FLNB: variants seen among roughly 807,000 people sequenced by gnomAD.
FLNB encodes the protein filamin B.
Under a neutral mutation model 250.6 loss-of-function variants are expected in FLNB, and 111 were observed. The ratio of observed to expected loss-of-function variants is 0.44; its 90% confidence interval spans 0.38 to 0.52. FLNB has a LOEUF of 0.52. FLNB is among the 20% of genes least tolerant of loss of function. FLNB has a pLI of 0.00. For synonymous variants in FLNB, 1,302 were observed against 1,372.1 expected, an observed-to-expected ratio of 0.95 and a Z score of 1.13; for missense variants, 2,869 against 3,447.8, an observed-to-expected ratio of 0.83 and a Z score of 4.20.
intron 29 of FLNB, among the ~76,000 whole-genome samples, chr3:58,138,781 T>C (rs535117501): frequency 1.3e-3 from 205 of 152,386 alleles, no homozygotes; most frequent in African/African-American, 4.7e-3. Flanking sequence ...GGCAATATCC[T>C]GGCCTAAGCC....
chr3:58,105,170 A>C lies in FLNB; in HGVS notation c.1701A>C (p.Ser567=), dbSNP rs1266110523. ...TCCATGGTGGGATTGTCGGGCGGTC[A>C]GCGGACTTCGTGGTAGAATCCATTG... is the stretch of plus-strand genomic sequence containing the variant. ...PGLHGGIVGR[S]ADFVVESIGS... Residue 567 remains serine (S), a synonymous_variant, in exon 11 of 46, where the codon TCA becomes TCC. Coordinates refer to ENST00000295956, the MANE Select transcript of FLNB (RefSeq NM_001457.4). 6.2e-7 allele frequency: 1 copy of C among 1,614,230 alleles called. No homozygotes were observed. Among genetic ancestry groups the C allele is most frequent in the Admixed American group, 1.7e-5 (1 of 60,026 alleles).
chr3:58,133,740 C>T (rs2097311748), intron 26 of FLNB, among the ~76,000 whole-genome samples: 1 of 151,882 alleles, frequency 6.6e-6, no homozygotes, highest in African/African-American at 2.4e-5. Context: ...AAATCATGCC[C>T]CTTAAGATGA....
chr3:58,110,364 G>A (rs1306846734), intron 16 of FLNB, among the ~76,000 whole-genome samples, 194 bp downstream of exon 16: 1 of 152,162 alleles, frequency 6.6e-6, no homozygotes, highest in Non-Finnish European at 1.5e-5. Flanking sequence ...CCAGGTTCAA[G>A]TGATCCTCCC....
Position 58,142,516 on chromosome 3 carries a change from A to C in FLNB, c.5182-134A>C, listed in dbSNP as rs1575452029. On this transcript the variant is annotated intron_variant, in intron 30 of 45. Coordinates refer to ENST00000295956, the MANE Select transcript of FLNB (RefSeq NM_001457.4). This position sits in a 1 kb window ranked among gnomAD's most constrained non-coding sequence, Gnocchi z 4.3. ...CTGGAGCCACTTAGACAAAGCCCAT[A>C]CCACAATGGGCAGCCGCATTCCCAA... The C allele has an allele frequency of 1.3e-6, 1 of 769,330 alleles. No homozygotes were observed. The highest frequency in any genetic ancestry group is 2.2e-6 in the Non-Finnish European group (1 of 447,924). The allele number at this position is 769,330 out of a possible 1,614,324, so 47.7% of individuals were successfully genotyped here. A position where few individuals can be genotyped will look rare whatever the true frequency, so the allele number is the denominator to read the frequency against.
intron 1 of FLNB, among the ~76,000 whole-genome samples, chr3:58,070,367 C>G (rs1444320971): frequency 6.6e-6 from 1 of 152,120 alleles, no homozygotes; most frequent in Non-Finnish European, 1.5e-5. Flanking sequence ...CTCTAACCTA[C>G]CTACTCCTTA....
chr3:58,066,638 G>A (rs2097186108), intron 1 of FLNB, among the ~76,000 whole-genome samples: 1 of 152,170 alleles, frequency 6.6e-6, no homozygotes, highest in South Asian at 2.1e-4. Flanking sequence ...CCCTTTAGCA[G>A]ACCTGTCTCA....
At chr3:58,163,430 T>C in intron 43 of FLNB, 100 bp downstream of exon 43, 1 of 1,271,962 alleles carries the variant, frequency 7.9e-7, no homozygotes, top group Non-Finnish European at 1.1e-6. Context: ...TTACACGTAC[T>C]CCCCGTGGAA....
intron 9 of FLNB, among the ~76,000 whole-genome samples, chr3:58,103,233 C>T (rs1235810870): frequency 6.6e-6 from 1 of 151,580 alleles, no homozygotes; most frequent in African/African-American, 2.4e-5. Flanking sequence ...GACTGTCTTC[C>T]CTCCCAGATT....
At chr3:58,039,209 AAAG>A (rs1289783736) in intron 1 of FLNB, among the ~76,000 whole-genome samples, 8 of 151,792 alleles carry the variant, frequency 5.3e-5, no homozygotes, top group Non-Finnish European at 7.4e-5. Flanking sequence ...AAAAAAAAAA[AAAG>A]AAGAATTGCA....
intron 1 of FLNB, among the ~76,000 whole-genome samples, chr3:58,018,224 T>A (rs1194244260): frequency 6.6e-6 from 1 of 152,144 alleles, no homozygotes; most frequent in Admixed American, 6.6e-5. Flanking sequence ...AAAAGAACTT[T>A]TATCGGAAGA....
intron 4 of FLNB, among the ~76,000 whole-genome samples, chr3:58,083,676 A>T (rs1371750365): frequency 6.6e-6 from 1 of 152,104 alleles, no homozygotes. Flanking sequence ...GATGCTGACC[A>T]CGTGCTGTTC....
Position 58,125,580 on chromosome 3 carries a change from G to A in FLNB, c.3899-1G>A, listed in dbSNP as rs1226017420. On this transcript the variant is annotated splice_acceptor_variant, in intron 22 of 45. Transcript: ENST00000295956. LOFTEE classifies it high-confidence loss of function. ...GCGTTTCTGTTTGTTGTTTTGAGCAGGTCTCCATGTAGTGGAGGTGACATA... is the reference window on the plus strand; with the variant it reads ...GCGTTTCTGTTTGTTGTTTTGAGCAAGTCTCCATGTAGTGGAGGTGACATA... 2 of 1,614,128 alleles carry A rather than the reference G, an allele frequency of 1.2e-6. No individual in the cohort carries two copies. Among genetic ancestry groups the A allele is most frequent in the Admixed American group, 1.7e-5 (1 of 60,020 alleles).
intron 1 of FLNB, among the ~76,000 whole-genome samples, chr3:58,067,593 GT>G (rs375448903): frequency 0.46 from 64,106 of 140,504 alleles, 14,231 homozygotes; most frequent in Middle Eastern, 0.57. Flanking sequence ...TTGTTTTTTT[GT>G]TTTTTTTTTG....
At chr3:58,084,345 T>G (rs1048071399) in intron 4 of FLNB, among the ~76,000 whole-genome samples, 1 of 152,202 alleles carries the variant, frequency 6.6e-6, no homozygotes, top group Non-Finnish European at 1.5e-5. Context: ...TCAAATGGAC[T>G]GAATCTAATC....
intron 18 of FLNB, among the ~76,000 whole-genome samples, chr3:58,118,049 G>A (rs182823227): frequency 2.6e-5 from 4 of 152,258 alleles, no homozygotes; most frequent in African/African-American, 9.6e-5. Context: ...TTGGAGCCTC[G>A]ATTTGGAGGG....
At chr3:58,163,421 T>C in intron 43 of FLNB, 91 bp downstream of exon 43, 1 of 1,346,114 alleles carries the variant, frequency 7.4e-7, no homozygotes, top group Admixed American at 1.7e-5. Flanking sequence ...GAAAGCTTTT[T>C]ACACGTACTC....
rs2097243172 is a variant in FLNB, at chr3:58,098,559, C to G, written c.1148-152C>G. ...TGTTGGCCAGGCTGGTCTCGAAATC[C>G]TGACCTCAAGTGATCTACCCACCTC... On this transcript the variant is annotated intron_variant, in intron 7 of 45. Coordinates refer to ENST00000295956, the MANE Select transcript of FLNB (RefSeq NM_001457.4). 4.4e-6 allele frequency: 3 copies of G among 677,944 alleles called. No homozygotes were observed. The South Asian group carries it at 5.5e-5, about 12-fold the overall frequency. 42.0% of individuals were successfully genotyped at this position (677,944 alleles called of 1,614,324 possible).
chr3:58,044,822 C>T (rs1042771816), intron 1 of FLNB, among the ~76,000 whole-genome samples: 2 of 152,162 alleles, frequency 1.3e-5, no homozygotes, highest in African/African-American at 4.8e-5. Flanking sequence ...GCAGAGGAGA[C>T]AGCACTGTCT....
intron 8 of FLNB, among the ~76,000 whole-genome samples, chr3:58,100,436 T>C (rs547911677): frequency 4.2e-5 from 6 of 143,614 alleles, no homozygotes; most frequent in African/African-American, 1.3e-4. Flanking sequence ...TCTTTTGGGC[T>C]GGAGTGCAGT....
Sources: allele counts gnomAD v4.1 joint callset (sites outside exome capture counted in the v4.1 genomes callset), GRCh38; gene constraint gnomAD v4.1.1; non-coding constraint Gnocchi (gnomAD v3.1); transcripts MANE v1.5; gene names NCBI Gene and HGNC (gene_info 2026-07-23, HGNC 2026-07-21).